DLG2: variants seen among roughly 807,000 people sequenced by gnomAD.
DLG2 encodes the protein discs large MAGUK scaffold protein 2, also known as disks large homolog 2.
Under a neutral mutation model 132.5 loss-of-function variants are expected in DLG2, and 45 were observed. That is an observed-to-expected ratio of 0.34 (90% confidence interval 0.27 to 0.44). The LOEUF (loss-of-function observed/expected upper bound fraction) is 0.44, where lower values mean the gene tolerates loss of function less well. Ranked by LOEUF, DLG2 falls within the 20% of genes least tolerant of loss-of-function variation. DLG2 has a pLI of 1.00. For synonymous variants in DLG2, 424 were observed against 419.6 expected, an observed-to-expected ratio of 1.01 and a Z score of -0.13; for missense variants, 1,045 against 1,196.9, an observed-to-expected ratio of 0.87 and a Z score of 1.87.
chr11:84,783,648 T>C (rs1292464061), intron 6 of DLG2, among the ~76,000 whole-genome samples: 2 of 152,184 alleles, frequency 1.3e-5, no homozygotes. Flanking sequence ...AATATTTCAC[T>C]GGAGCCTCTC....
chr11:84,607,313 C>T (rs966839471), intron 6 of DLG2, among the ~76,000 whole-genome samples: 2 of 152,118 alleles, frequency 1.3e-5, no homozygotes, highest in African/African-American at 4.8e-5. Flanking sequence ...ACAGATAGAA[C>T]TTATTTCCAC....
chr11:85,002,603 G>A (rs2058311923), intron 6 of DLG2, among the ~76,000 whole-genome samples: 1 of 152,104 alleles, frequency 6.6e-6, no homozygotes, highest in Admixed American at 6.6e-5. Flanking sequence ...AAGTGAATGT[G>A]GCCTTGAGAT....
At chr11:84,880,145 C>A (rs769408608) in intron 6 of DLG2, among the ~76,000 whole-genome samples, 1 of 152,044 alleles carries the variant, frequency 6.6e-6, no homozygotes, top group African/African-American at 2.4e-5. Context: ...TCTCACCAGA[C>A]AGAGAGATCA....
At chr11:84,305,362 T>C (rs2098204105) in intron 7 of DLG2, among the ~76,000 whole-genome samples, 1 of 152,132 alleles carries the variant, frequency 6.6e-6, no homozygotes, top group Non-Finnish European at 1.5e-5. Flanking sequence ...AAACAGCAGA[T>C]ATACAATAAA....
rs139824111 is a variant in DLG2 at position 85,029,114 on chromosome 11, A to G, written c.357+82547T>C. Among the ~76,000 whole-genome samples the G allele has an allele frequency of 1.7e-3, 259 of 152,314 alleles. 3 individuals carry two copies. Among genetic ancestry groups the G allele is most frequent in the African/African-American group, 5.9e-3 (246 of 41,566 alleles). On this transcript the variant is annotated intron_variant, in intron 6 of 27. Coordinates refer to ENST00000376104, the MANE Select transcript of DLG2 (RefSeq NM_001142699.3). ...AAAGCACAAAGCAGTTAGTTGCAAT[A>G]AGTTCTGATTTATTAGAGAAATAAA...
At chr11:84,159,935 T>G (rs755382941) in intron 9 of DLG2, among the ~76,000 whole-genome samples, 7 of 152,218 alleles carry the variant, frequency 4.6e-5, no homozygotes, top group Non-Finnish European at 7.3e-5. Flanking sequence ...ATTATTTTTC[T>G]GGCATAAATA....
intron 6 of DLG2, among the ~76,000 whole-genome samples, chr11:84,915,828 A>C (rs182927413): frequency 3.4e-3 from 516 of 152,038 alleles, no homozygotes; most frequent in Non-Finnish European, 5.8e-3. Flanking sequence ...TCAGTCCATT[A>C]TTTTCAAATA....
chr11:83,719,768 A>T (rs1487731714), intron 18 of DLG2, among the ~76,000 whole-genome samples: 1 of 152,150 alleles, frequency 6.6e-6, no homozygotes, highest in East Asian at 1.9e-4. Flanking sequence ...AAATATCAAA[A>T]CTATAGCAGG....
At chr11:84,294,812 A>G (rs1037358194) in intron 7 of DLG2, among the ~76,000 whole-genome samples, 11 of 152,266 alleles carry the variant, frequency 7.2e-5, no homozygotes, top group Admixed American at 2.6e-4. Flanking sequence ...GAGTATGCCT[A>G]AATTATATCT....
intron 18 of DLG2, among the ~76,000 whole-genome samples, chr11:83,660,614 C>T (rs997037648): frequency 2.6e-5 from 4 of 152,124 alleles, no homozygotes; most frequent in African/African-American, 9.7e-5. Flanking sequence ...ACAAGAAGCA[C>T]ATATGATATA....
In DLG2 at chr11:84,956,733, T is replaced by C. The variant is rs143189025; in HGVS notation, c.357+154928A>G. Reference sequence around the variant, plus strand: ...GCCTAAAAGTTAAATTATAGAACAATTTCTCCAACCAATAGATTAAAAAAT... The same window carrying C: ...GCCTAAAAGTTAAATTATAGAACAACTTCTCCAACCAATAGATTAAAAAAT... On this transcript the variant is annotated intron_variant, in intron 6 of 27. Transcript: ENST00000376104. Among the ~76,000 whole-genome samples the C allele has an allele frequency of 5.4e-3, 822 of 152,234 alleles. 5 individuals carry two copies. Among genetic ancestry groups the C allele is most frequent in the African/African-American group, 0.018 (749 of 41,546 alleles).
intron 5 of DLG2, among the ~76,000 whole-genome samples, chr11:85,122,143 C>T (rs1026284938): frequency 9.9e-5 from 15 of 152,162 alleles, no homozygotes; most frequent in African/African-American, 3.6e-4. Context: ...AAGAACTTCC[C>T]CTGTCCTCAA....
chr11:85,429,239 A>G (rs1038592382), intron 3 of DLG2, among the ~76,000 whole-genome samples: 18 of 152,210 alleles, frequency 1.2e-4, no homozygotes, highest in African/African-American at 4.3e-4. Context: ...AACTATTCCA[A>G]TCAGAAAAAG....
chr11:85,453,768 C>T (rs764976818), intron 3 of DLG2: 2 of 152,214 alleles, frequency 1.3e-5, no homozygotes, highest in Non-Finnish European at 1.5e-5. Context: ...AACATAATCA[C>T]CCCTCACTTT....
chr11:83,466,594 C>T (rs1240617538), intron 26 of DLG2, 114 bp downstream of exon 26: 1 of 578,498 alleles, frequency 1.7e-6, no homozygotes, highest in African/African-American at 1.8e-5. Flanking sequence ...GCTGAAAAAT[C>T]AACAATGGCA....
At chr11:83,605,760 C>G (rs2068148392) in intron 19 of DLG2, among the ~76,000 whole-genome samples, 1 of 152,196 alleles carries the variant, frequency 6.6e-6, no homozygotes, top group Non-Finnish European at 1.5e-5. Flanking sequence ...GAATGGAACA[C>G]AGAACAATAC....
intron 6 of DLG2, among the ~76,000 whole-genome samples, chr11:84,707,359 G>A (rs938521884): frequency 1.3e-5 from 2 of 151,790 alleles, no homozygotes; most frequent in Non-Finnish European, 2.9e-5. Flanking sequence ...GAAGTAGCAG[G>A]GTTTTGGGCA....
chr11:83,511,476 A>G (rs2139921222), intron 21 of DLG2, among the ~76,000 whole-genome samples: 1 of 152,324 alleles, frequency 6.6e-6, no homozygotes, highest in African/African-American at 2.4e-5. Context: ...AGCAATATCC[A>G]CTATGTGAAG....
chr11:85,296,467 C>CTTTTTTTTTTTTTTTTTTTTCTTTTTT (rs66526147), intron 3 of DLG2, among the ~76,000 whole-genome samples: 2 of 121,550 alleles, frequency 1.6e-5, no homozygotes, highest in Non-Finnish European at 1.7e-5. Context: ...TTTCGATTTT[C>CTTTTTTTTTTTTTTTTTTTTCTTTTTT]TTTTTTTTTT....
Sources: allele counts gnomAD v4.1 joint callset (sites outside exome capture counted in the v4.1 genomes callset), GRCh38; gene constraint gnomAD v4.1.1; transcripts MANE v1.5; gene names NCBI Gene and HGNC (gene_info 2026-07-23, HGNC 2026-07-21).